The following TIMM10 variants were observed in gnomAD, a reference collection of about 807,000 sequenced individuals.
TIMM10 encodes mitochondrial import inner membrane translocase subunit Tim10.
In TIMM10, 13 loss-of-function variants were observed where a neutral mutation model predicts 9.1. The observed-to-expected ratio is 1.42, with a 90% CI of 0.93 to 2.26. TIMM10 has a LOEUF of 2.26. Among genes scored for constraint, TIMM10 ranks in the 30% most tolerant of loss-of-function variants. The pLI is 0.00. For missense variants in TIMM10, 82 were observed against 113.6 expected, an observed-to-expected ratio of 0.72 and a Z score of 1.26; for synonymous variants, 40 against 42.1, an observed-to-expected ratio of 0.95 and a Z score of 0.20.
intron 2 of TIMM10, 83 bp downstream of exon 2, chr11:57,530,036 G>A (rs551438495): frequency 3.3e-6 from 5 of 1,509,992 alleles, no homozygotes; most frequent in African/African-American, 2.7e-5. Context: ...CATTCAGGAA[G>A]GAATTTGTCA....
At chr11:57,530,453 G>A (rs1019857395) in intron 1 of TIMM10, among the ~76,000 whole-genome samples, 3 of 152,140 alleles carry the variant, frequency 2.0e-5, no homozygotes, top group African/African-American at 7.2e-5. Flanking sequence ...GATCTCTGAT[G>A]CCCCAGTTCC....
rs1457967124 is a variant in TIMM10 at position 57,528,698 on chromosome 11, G to T, written c.*19C>A. On this transcript the variant is annotated 3_prime_UTR_variant, in exon 3 of 3. Transcript: ENST00000257245. ...GGGAAGGGGTGGGGTACACCCCAGG[G>T]TGTATACTGACAGGGACCTCATGCA... 6.2e-7 allele frequency: 1 copy of T among 1,612,502 alleles called. No individual in the cohort carries two copies. Among genetic ancestry groups the T allele is most frequent in the Non-Finnish European group, 8.5e-7 (1 of 1,179,490 alleles).
chr11:57,528,584 C>G lies in TIMM10; in HGVS notation c.*133G>C. ...CTCCTTCACCAGGAGACAGCGCTAC[C>G]ACTCCGGGATCTTGAAGACTCTCTA... On this transcript the variant is annotated 3_prime_UTR_variant, in exon 3 of 3. Transcript: ENST00000257245. The G allele has an allele frequency of 1.3e-6, 1 of 776,988 alleles. No homozygotes were observed. The highest frequency in any genetic ancestry group is 2.1e-6 in the Non-Finnish European group (1 of 478,458). 48.1% of individuals were successfully genotyped at this position (776,988 alleles called of 1,614,324 possible). A position where few individuals can be genotyped will look rare whatever the true frequency, so the allele number is the denominator to read the frequency against.
chr11:57,529,281 C>T (rs1013620260), intron 2 of TIMM10, among the ~76,000 whole-genome samples: 3 of 152,182 alleles, frequency 2.0e-5, no homozygotes, highest in Non-Finnish European at 2.9e-5. Context: ...TCACACAGAG[C>T]TGGGTTATGA....
Position 57,528,876 on chromosome 11 carries a change from G to T in TIMM10, c.114C>A (p.Tyr38Ter). Residue 38 changes from tyrosine (Y) to a stop codon, truncating the protein, a stop_gained, in exon 3 of 3, where the codon TAC becomes TAA. Transcript: ENST00000257245. LOFTEE classifies it high-confidence loss of function. Reference protein sequence around the residue: ...ACHRKCVPPHYKEAELSKGES... With the variant: ...ACHRKCVPPH ...CGCCCTTGGAGAGCTCTGCTTCCTTGTAGTGAGGAGGCACACACTTCCGGT... is the reference window on the plus strand; with the variant it reads ...CGCCCTTGGAGAGCTCTGCTTCCTTTTAGTGAGGAGGCACACACTTCCGGT... 6.2e-7 allele frequency: 1 copy of T among 1,613,724 alleles called. No homozygotes were observed. Among genetic ancestry groups the T allele is most frequent in the Non-Finnish European group, 8.5e-7 (1 of 1,180,014 alleles).
rs772780236 is a variant in TIMM10 at position 57,528,748 on chromosome 11, T to G, written c.242A>C (p.Lys81Thr). Residue 81 changes from lysine (K) to threonine (T), a missense_variant, in exon 3 of 3, where the codon AAG becomes ACG. Transcript: ENST00000257245. ...AGGCCCAGAGCTCTGCTGCACCCTC[T>G]TCATCAGCTCTTCATCCTGCATAGA... ...ELSMQDEELM[K>T]RVQQSSGPA The G allele has an allele frequency of 1.2e-6, 2 of 1,613,974 alleles. No individual in the cohort carries two copies. Among genetic ancestry groups the G allele is most frequent in the South Asian group, 2.2e-5 (2 of 91,062 alleles).
At chr11:57,528,953 C>T (rs1429811773) in intron 2 of TIMM10, 35 bp from the exon 3 acceptor site, 1 of 1,604,824 alleles carries the variant, frequency 6.2e-7, no homozygotes, top group East Asian at 2.2e-5. Flanking sequence ...ATGTCAGCAG[C>T]ATCCTGTGAC....
rs913791914 is a variant in TIMM10, at chr11:57,528,554, A to G, written c.*163T>C. ...ACACACAGTCACATTCCAGTGTGACAAATACTCCTTCACCAGGAGACAGCG... is the reference window on the plus strand; with the variant it reads ...ACACACAGTCACATTCCAGTGTGACGAATACTCCTTCACCAGGAGACAGCG... On this transcript the variant is annotated 3_prime_UTR_variant, in exon 3 of 3. Coordinates refer to ENST00000257245, the MANE Select transcript of TIMM10 (RefSeq NM_012456.3). 4.0e-4 allele frequency: 236 copies of G among 595,010 alleles called. No individual in the cohort carries two copies. Among genetic ancestry groups the G allele is most frequent in the Non-Finnish European group, 6.6e-4 (220 of 334,498 alleles). 36.9% of individuals were successfully genotyped at this position (595,010 alleles called of 1,614,324 possible). A position where few individuals can be genotyped will look rare whatever the true frequency, so the allele number is the denominator to read the frequency against.
In TIMM10 at chr11:57,528,851, C is replaced by T. The variant is rs374666302; in HGVS notation, c.139G>A (p.Glu47Lys). The T allele has an allele frequency of 5.2e-5, 84 of 1,613,860 alleles. No individual in the cohort carries two copies. Among genetic ancestry groups the T allele is most frequent in the Non-Finnish European group, 6.5e-5 (77 of 1,180,032 alleles). ...ACACATCGGTCCAGGCACACAGACTCGCCCTTGGAGAGCTCTGCTTCCTTG... is the reference window on the plus strand; with the variant it reads ...ACACATCGGTCCAGGCACACAGACTTGCCCTTGGAGAGCTCTGCTTCCTTG... The part of the protein sequence containing the change: ...HYKEAELSKG[E>K]SVCLDRCVSK... The change falls in exon 3 of 3, where the codon GAG (glutamate) becomes AAG (lysine). Residue 47 changes from glutamate (E) to lysine (K), a missense_variant. Transcript: ENST00000257245.
Position 57,528,933 on chromosome 11 carries a change from G to A in TIMM10, c.72-15C>T, listed in dbSNP as rs1565151143. ...CACTGGTCATTCTGGAGGGAGGGAG[G>A]GGCAAGGTCATGTCAGCAGCATCCT... is the stretch of plus-strand genomic sequence containing the variant. On this transcript the variant is annotated splice_polypyrimidine_tract_variant and intron_variant, in intron 2 of 2. Coordinates refer to ENST00000257245, the MANE Select transcript of TIMM10 (RefSeq NM_012456.3). 1 of 1,611,886 alleles carries A rather than the reference G, an allele frequency of 6.2e-7. No homozygotes were observed. The highest frequency in any genetic ancestry group is 2.1e-4 in the Middle Eastern group (1 of 4,728).
chr11:57,528,665 A>G lies in TIMM10; in HGVS notation c.*52T>C. The G allele has an allele frequency of 6.3e-7, 1 of 1,590,362 alleles. No homozygotes were observed. Among genetic ancestry groups the G allele is most frequent in the South Asian group, 1.1e-5 (1 of 90,334 alleles). On this transcript the variant is annotated 3_prime_UTR_variant, in exon 3 of 3. Transcript: ENST00000257245. ...ATGACACCCAACAGGGAGCACGTTT[A>G]TTAAAGTGGGAAGGGGTGGGGTACA...
rs756509625 is a variant in TIMM10 at position 57,528,767 on chromosome 11, G to C, written c.223C>G (p.Gln75Glu). The change falls in exon 3 of 3, where the codon CAG becomes GAG. Residue 75 changes from glutamine to glutamate, a missense_variant. Physicochemically the swap from Gln to Glu is conservative, Grantham distance 29 (BLOSUM62 2). Transcript: ENST00000257245. ...ACCCTCTTCATCAGCTCTTCATCCT[G>C]CATAGACAACTCTGTCAACTTTTTG... ...MGKKLTELSMQDEELMKRVQQ... is the reference protein window; with the variant it reads ...MGKKLTELSMEDEELMKRVQQ... 6 of 1,614,024 alleles carry C rather than the reference G, an allele frequency of 3.7e-6. No individual in the cohort carries two copies. The highest frequency in any genetic ancestry group is 5.1e-6 in the Non-Finnish European group (6 of 1,180,010).
chr11:57,530,047 T>C, intron 2 of TIMM10, 72 bp downstream of exon 2: 1 of 1,559,642 alleles, frequency 6.4e-7, no homozygotes, highest in East Asian at 2.2e-5. Context: ...GAATTTGTCA[T>C]AAGTCATTCA....
rs377270733 is a variant in TIMM10, at chr11:57,528,512, T to C, written c.*205A>G. ...ATATATATATATATATATATATATA[T>C]ATATACACATACATACACACACAGT... On this transcript the variant is annotated 3_prime_UTR_variant, in exon 3 of 3. Coordinates refer to ENST00000257245, the MANE Select transcript of TIMM10 (RefSeq NM_012456.3). 3 of 255,596 alleles carry C rather than the reference T, an allele frequency of 1.2e-5. No individual in the cohort carries two copies. The highest frequency in any genetic ancestry group is 2.2e-5 in the Non-Finnish European group (3 of 137,502). 15.8% of individuals were successfully genotyped at this position (255,596 alleles called of 1,614,324 possible).
chr11:57,528,745 CTCT>C lies in TIMM10; in HGVS notation c.242_244del (p.Lys81del). On this transcript the variant is annotated inframe_deletion, in exon 3 of 3. Transcript: ENST00000257245. The stretch of plus-strand genomic sequence containing the variant: ...TGCAGGCCCAGAGCTCTGCTGCACC[CTCT>C]TCATCAGCTCTTCATCCTGCATAGA... 5.0e-6 allele frequency: 8 copies of C among 1,613,984 alleles called. No homozygotes were observed. The highest frequency in any genetic ancestry group is 6.8e-6 in the Non-Finnish European group (8 of 1,180,010).
chr11:57,528,887 GCA>G lies in TIMM10; in HGVS notation c.101_102del (p.Val34AlafsTer23), dbSNP rs1944774467. 1 of 1,613,592 alleles carries G rather than the reference GCA, an allele frequency of 6.2e-7. No individual in the cohort carries two copies. The highest frequency in any genetic ancestry group is 2.2e-5 in the East Asian group (1 of 44,878). ...AGCTCTGCTTCCTTGTAGTGAGGAG[GCA>G]CACACTTCCGGTGGCAGGCACTGGT... ...RMTSACHRKC[V>X]PPHYKEAELS... On this transcript the variant is annotated frameshift_variant, in exon 3 of 3. Coordinates refer to ENST00000257245, the MANE Select transcript of TIMM10 (RefSeq NM_012456.3). LOFTEE classifies it high-confidence loss of function.
At chr11:57,529,166 C>T (rs1410465011) in intron 2 of TIMM10, among the ~76,000 whole-genome samples, 1 of 152,206 alleles carries the variant, frequency 6.6e-6, no homozygotes, top group Non-Finnish European at 1.5e-5. Flanking sequence ...AAGTGCTTTA[C>T]CTGCATTCTG....
rs1590796290 is a variant in TIMM10, at chr11:57,528,651, C to A, written c.*66G>T. 3.3e-6 allele frequency: 5 copies of A among 1,533,206 alleles called. No individual in the cohort carries two copies. The highest frequency in any genetic ancestry group is 3.6e-6 in the Non-Finnish European group (4 of 1,126,284). The allele number at this position is 1,533,206 out of a possible 1,614,324, so 95.0% of individuals were successfully genotyped here. On this transcript the variant is annotated 3_prime_UTR_variant, in exon 3 of 3. Coordinates refer to ENST00000257245, the MANE Select transcript of TIMM10 (RefSeq NM_012456.3). ...GGCAGTCTTCACAGATGACACCCAACAGGGAGCACGTTTATTAAAGTGGGA... is the reference window on the plus strand; with the variant it reads ...GGCAGTCTTCACAGATGACACCCAAAAGGGAGCACGTTTATTAAAGTGGGA...
rs10547275 is a variant in TIMM10 at position 57,528,483 on chromosome 11, TTATATATATATATA to T, written c.*220_*233del. 6.5e-4 allele frequency: 97 copies of T among 150,304 alleles called. 2 individuals carry two copies. Among genetic ancestry groups the T allele is most frequent in the Non-Finnish European group, 9.1e-4 (66 of 72,418 alleles). The allele number at this position is 150,304 out of a possible 1,614,324, so 9.3% of individuals were successfully genotyped here. A position where few individuals can be genotyped will look rare whatever the true frequency, so the allele number is the denominator to read the frequency against. On this transcript the variant is annotated 3_prime_UTR_variant, in exon 3 of 3. Coordinates refer to ENST00000257245, the MANE Select transcript of TIMM10 (RefSeq NM_012456.3). Reference sequence around the variant, plus strand: ...ACATAGTAGGTGTCAACAAACTTGTTTATATATATATATATATATATATATATATATATACACAT... The same window carrying T: ...ACATAGTAGGTGTCAACAAACTTGTTTATATATATATATATATATACACAT...
Sources: gnomAD v4.1 joint callset for allele counts (sites outside exome capture counted in the v4.1 genomes callset) on GRCh38, gnomAD v4.1.1 for gene constraint, MANE v1.5 for transcripts, NCBI Gene and HGNC (gene_info 2026-07-23, HGNC 2026-07-21) for gene names.